SPIN2A: variants seen among roughly 807,000 people sequenced by gnomAD.
The protein encoded by SPIN2A is spindlin family member 2A.
In SPIN2A, 4 loss-of-function variants were observed where a neutral mutation model predicts 9.2. That is an observed-to-expected ratio of 0.44 (90% confidence interval 0.21 to 1.00). SPIN2A has a LOEUF of 1.00. Ranked by LOEUF, SPIN2A falls within the 50% of genes least tolerant of loss-of-function variation. The probability of loss-of-function intolerance (pLI) is 0.26; values close to 1 mark genes in which losing one functional copy is unlikely to be tolerated. For missense variants in SPIN2A, 77 were observed against 172.8 expected (o/e 0.45, Z 3.11); for synonymous variants, 25 against 61.2 (o/e 0.41, Z 2.76).
chrX:57,146,428 C>T, the SPIN2A span, among the ~76,000 whole-genome samples: 1 of 111,963 alleles, frequency 8.9e-6, no homozygotes, highest in Non-Finnish European at 1.9e-5. Context: ...TATCCTGAAA[C>T]TTTGCTGAAT....
chrX:57,139,217 A>T (rs1221264714), upstream of SPIN2A, among the ~76,000 whole-genome samples: 1 of 111,671 alleles, frequency 9.0e-6, no homozygotes, highest in Admixed American at 9.5e-5. Context: ...ATCCATTTTG[A>T]TTTGAGTGTT....
upstream of SPIN2A, among the ~76,000 whole-genome samples, chrX:57,141,557 A>G (rs775502610): frequency 1.6e-4 from 18 of 111,187 alleles, no homozygotes; most frequent in Non-Finnish European, 3.0e-4. Context: ...CAGCCACAAG[A>G]TCATGGGCTT....
At chrX:57,144,138 C>A in the SPIN2A span, among the ~76,000 whole-genome samples, 1 of 111,894 alleles carries the variant, frequency 8.9e-6, no homozygotes. Flanking sequence ...TCATCCTGTT[C>A]TTTACTGGCT....
At chrX:57,144,979 C>G in the SPIN2A span, among the ~76,000 whole-genome samples, 1 of 110,824 alleles carries the variant, frequency 9.0e-6, no homozygotes, top group Non-Finnish European at 1.9e-5. Flanking sequence ...GATTGATGAA[C>G]ATTTGGGCTG....
chrX:57,143,024 C>T, the SPIN2A span, among the ~76,000 whole-genome samples: 10 of 111,110 alleles, frequency 9.0e-5, no homozygotes, highest in African/African-American at 1.3e-4. Flanking sequence ...GTTTCTTGTA[C>T]ACAGAATCTA....
chrX:57,144,845 G>A, the SPIN2A span, among the ~76,000 whole-genome samples: 2 of 109,508 alleles, frequency 1.8e-5, no homozygotes, highest in Admixed American at 9.9e-5. Context: ...TGCAAATGCC[G>A]TTAATTCATT....
At chrX:57,138,409 A>G (rs1233788752), upstream of SPIN2A, among the ~76,000 whole-genome samples, 1 of 109,893 alleles carries the variant, frequency 9.1e-6, no homozygotes, top group African/African-American at 3.3e-5. Flanking sequence ...CTATGGTGGA[A>G]TAATATTTTA....
intron 1 of SPIN2A, chrX:57,137,010 T>G: frequency 2.4e-6 from 2 of 847,877 alleles, no homozygotes; most frequent in East Asian, 8.4e-5. Context: ...TCCTAACCAC[T>G]TCCCTGTTAC....
chrX:57,143,571 G>T, the SPIN2A span, among the ~76,000 whole-genome samples: 1 of 110,382 alleles, frequency 9.1e-6, no homozygotes, highest in Admixed American at 9.7e-5. Flanking sequence ...CTGCCCCCCA[G>T]GCTCAAGTGA....
the SPIN2A span, among the ~76,000 whole-genome samples, chrX:57,145,506 T>A: frequency 0.29 from 32,090 of 111,212 alleles, 3,595 homozygotes; most frequent in Middle Eastern, 0.57. Context: ...AATCTGTGCA[T>A]TGTCTGTTTA....
the SPIN2A span, among the ~76,000 whole-genome samples, chrX:57,146,663 T>C: frequency 1.8e-5 from 2 of 112,132 alleles, no homozygotes; most frequent in Non-Finnish European, 3.8e-5. Flanking sequence ...GGAAATGCTT[T>C]CAACTTTTCT....
chrX:57,137,724 C>T (rs952919358), upstream of SPIN2A: 2 of 111,287 alleles, frequency 1.8e-5, no homozygotes, highest in African/African-American at 6.5e-5. Context: ...CTAGCCCCTC[C>T]CCTCAGCTCT....
At chrX:57,139,620 A>AT (rs767262915), upstream of SPIN2A, among the ~76,000 whole-genome samples, 138 of 110,502 alleles carry the variant, frequency 1.2e-3, 1 homozygote, top group Non-Finnish European at 2.2e-3. Flanking sequence ...CACTGGGCTA[A>AT]TTTTTTTGTA....
chrX:57,141,953 C>T (rs1404304232), upstream of SPIN2A, among the ~76,000 whole-genome samples: 2 of 109,812 alleles, frequency 1.8e-5, no homozygotes, highest in African/African-American at 6.6e-5. Flanking sequence ...CTCCCCTTGC[C>T]CCCCACACCC....
upstream of SPIN2A, among the ~76,000 whole-genome samples, chrX:57,139,851 C>T (rs1927951056): frequency 9.0e-6 from 1 of 111,610 alleles, no homozygotes; most frequent in African/African-American, 3.3e-5. Context: ...CCTTCTGTAG[C>T]TCCATATGAA....
At chrX:57,141,497 G>A (rs1928001906), upstream of SPIN2A, among the ~76,000 whole-genome samples, 1 of 111,857 alleles carries the variant, frequency 8.9e-6, no homozygotes, top group Non-Finnish European at 1.9e-5. Flanking sequence ...AATGGTTTGA[G>A]TAGGATTTGT....
upstream of SPIN2A, among the ~76,000 whole-genome samples, chrX:57,142,472 G>C (rs1257801469): frequency 8.9e-6 from 1 of 112,013 alleles, no homozygotes; most frequent in African/African-American, 3.2e-5. Context: ...AAAGATACTT[G>C]ATATAATTTT....
intron 1 of SPIN2A, chrX:57,136,904 C>A: frequency 1.4e-6 from 1 of 690,333 alleles, no homozygotes; most frequent in Non-Finnish European, 2.1e-6. Context: ...CTGCCACTAG[C>A]ATCCACTCCC....
chrX:57,142,640 T>A, the SPIN2A span, among the ~76,000 whole-genome samples: 1 of 111,559 alleles, frequency 9.0e-6, no homozygotes, highest in African/African-American at 3.3e-5. Flanking sequence ...TGGTGCAGAT[T>A]AAGTCTGATA....
Sources: gnomAD v4.1 joint callset for allele counts (sites outside exome capture counted in the v4.1 genomes callset) on GRCh38, gnomAD v4.1.1 for gene constraint, MANE v1.5 for transcripts, NCBI Gene and HGNC (gene_info 2026-07-23, HGNC 2026-07-21) for gene names.